SAP30BP: variants seen among roughly 807,000 people sequenced by gnomAD.
The protein encoded by SAP30BP is SAP30 binding protein.
A neutral mutation model predicts 46.3 loss-of-function variants in SAP30BP; 31 were observed. The ratio of observed to expected loss-of-function variants is 0.67; its 90% CI spans 0.50 to 0.90. The LOEUF is 0.90. SAP30BP is among the 40% of genes least tolerant of loss of function. The pLI is 0.00. For synonymous variants in SAP30BP, 169 were observed against 144.2 expected (o/e 1.17, Z -1.23); for missense variants, 312 against 391.0 (o/e 0.80, Z 1.70).
Position 75,674,702 on chromosome 17 carries a change from T to G in SAP30BP, c.264+2839T>G, listed in dbSNP as rs1381362307. On this transcript the variant is annotated intron_variant, in intron 3 of 10. Transcript: ENST00000584667. ...AGTTTTTTTGTTTGTTTTTTGTTTT[T>G]TTTTTTTTTTTTTTTTTTTTTTTGA... is the stretch of plus-strand genomic sequence containing the variant. Among the ~76,000 whole-genome samples the G allele has an allele frequency of 7.7e-5, 4 of 51,982 alleles. 1 individual carries two copies. The highest frequency in any genetic ancestry group is 4.2e-4 in the Admixed American group (2 of 4,750). 34.1% of individuals were successfully genotyped at this position (51,982 alleles called of 152,430 possible).
chr17:75,703,566 T>C (rs2060447823), intron 7 of SAP30BP, 195 bp downstream of exon 7: 1 of 639,112 alleles, frequency 1.6e-6, no homozygotes, highest in East Asian at 2.7e-5. Flanking sequence ...GCCGGCCTGG[T>C]GCCTGGCCCC....
At chr17:75,668,286 T>C in intron 1 of SAP30BP, 1 of 480,886 alleles carries the variant, frequency 2.1e-6, no homozygotes, top group Non-Finnish European at 3.6e-6. Flanking sequence ...AGAAACAGAA[T>C]TTAGTACTCG....
In SAP30BP at chr17:75,678,463, A is replaced by AACACACACACAC. The variant is rs59943167; in HGVS notation, c.264+6620_264+6631dup. Reference sequence around the variant, plus strand: ...CACGTTCAACACAGACACAATTTAAAACACACACACACACACACACACACA... The same window carrying AACACACACACAC: ...CACGTTCAACACAGACACAATTTAAAACACACACACACACACACACACACACACACACACACA... On this transcript the variant is annotated intron_variant, in intron 3 of 10. Transcript: ENST00000584667. Among the ~76,000 whole-genome samples, 9 of 147,648 alleles carry AACACACACACAC rather than the reference A, an allele frequency of 6.1e-5. No individual in the cohort carries two copies. The East Asian group carries it at 1.4e-3, about 23-fold the overall frequency.
chr17:75,686,344 C>G (rs186714300), intron 3 of SAP30BP, among the ~76,000 whole-genome samples: 1 of 151,900 alleles, frequency 6.6e-6, no homozygotes. Context: ...GGTGAAACCC[C>G]GTCTCTACTA....
intron 3 of SAP30BP, among the ~76,000 whole-genome samples, chr17:75,683,066 A>G (rs1321185886): frequency 7.3e-6 from 1 of 137,650 alleles, no homozygotes; most frequent in East Asian, 2.3e-4. Context: ...TTTTTTTGAG[A>G]CAGAGTCTCA....
rs369895080 is a variant in SAP30BP, at chr17:75,687,165, C to T, written c.265-6275C>T. ...CTTAGCATAATACCTAAACTTATTC[C>T]CCTAGATTGAGTTTTCATATTTTAT... is the stretch of plus-strand genomic sequence containing the variant. On this transcript the variant is annotated intron_variant, in intron 3 of 10. Transcript: ENST00000584667. Among the ~76,000 whole-genome samples, 16 of 152,244 alleles carry T rather than the reference C, an allele frequency of 1.1e-4. No homozygotes were observed. In the East Asian group the frequency reaches 1.7e-3, roughly 17 times the overall value.
rs753274443 is a variant in SAP30BP at position 75,668,529 on chromosome 17, A to T, written c.120A>T (p.Gly40=). ...AVGSAAEEKG[G]LVSDAYGEDD... ...TTAACCTTTCAGAGGAGAAAGGCGG[A>T]TTGGTATCTGATGCCTATGGGGAGG... The change falls in exon 2 of 11, where the codon GGA becomes GGT. Residue 40 remains glycine, a synonymous_variant. Transcript: ENST00000584667. The T allele has an allele frequency of 6.4e-7, 1 of 1,565,480 alleles. No individual in the cohort carries two copies. Among genetic ancestry groups the T allele is most frequent in the South Asian group, 1.2e-5 (1 of 83,186 alleles).
chr17:75,672,780 A>G (rs1001640605), intron 3 of SAP30BP, among the ~76,000 whole-genome samples: 1 of 152,054 alleles, frequency 6.6e-6, no homozygotes, highest in Non-Finnish European at 1.5e-5. Flanking sequence ...AGTATGGTGA[A>G]ACCCCGTCTC....
At chr17:75,688,424 T>G (rs1167774243) in intron 3 of SAP30BP, among the ~76,000 whole-genome samples, 1 of 152,116 alleles carries the variant, frequency 6.6e-6, no homozygotes, top group Non-Finnish European at 1.5e-5. Context: ...AAACCCCCAG[T>G]CTGTAGCATT....
intron 3 of SAP30BP, among the ~76,000 whole-genome samples, chr17:75,678,983 T>C (rs1430768940): frequency 1.3e-5 from 2 of 151,264 alleles, no homozygotes; most frequent in East Asian, 3.9e-4. Flanking sequence ...TAGAGGTTTT[T>C]CAGGCAAGTT....
intron 3 of SAP30BP, chr17:75,683,718 A>C (rs1484739687): frequency 1.3e-5 from 2 of 152,316 alleles, no homozygotes; most frequent in South Asian, 4.1e-4. Flanking sequence ...AAGGGAGAAG[A>C]GCTGGGTAGA....
chr17:75,676,591 G>T (rs1295295744), intron 3 of SAP30BP, among the ~76,000 whole-genome samples: 1 of 152,170 alleles, frequency 6.6e-6, no homozygotes, highest in African/African-American at 2.4e-5. Flanking sequence ...TAACTAGTTT[G>T]TCATTATTTC....
chr17:75,693,551 C>T (rs933185892), intron 4 of SAP30BP, 69 bp downstream of exon 4: 15 of 1,440,628 alleles, frequency 1.0e-5, no homozygotes, highest in Non-Finnish European at 1.3e-5. Flanking sequence ...TCCAGCCATG[C>T]CAGGCCTGCC....
At chr17:75,686,300 G>C (rs977347169) in intron 3 of SAP30BP, among the ~76,000 whole-genome samples, 10 of 152,024 alleles carry the variant, frequency 6.6e-5, no homozygotes, top group Non-Finnish European at 1.5e-4. Flanking sequence ...GGCAGATCAC[G>C]AGGTCAGGAG....
At chr17:75,679,729 T>G (rs1170389872) in intron 3 of SAP30BP, 1 of 152,182 alleles carries the variant, frequency 6.6e-6, no homozygotes, top group African/African-American at 2.4e-5. Flanking sequence ...CATTATTTTT[T>G]CGTCTCTAAC....
intron 2 of SAP30BP, 85 bp from the exon 3 acceptor site, chr17:75,671,731 T>C: frequency 9.9e-7 from 1 of 1,010,558 alleles, no homozygotes; most frequent in South Asian, 1.3e-5. Context: ...GTAAATGGGC[T>C]GTTTGCTCCG....
intron 3 of SAP30BP, among the ~76,000 whole-genome samples, chr17:75,686,251 C>T (rs991376873): frequency 6.6e-6 from 1 of 152,072 alleles, no homozygotes; most frequent in African/African-American, 2.4e-5. Flanking sequence ...GGCGCAGTGG[C>T]TCACGCCTGT....
intron 2 of SAP30BP, among the ~76,000 whole-genome samples, chr17:75,670,443 A>G (rs2059891775): frequency 6.6e-6 from 1 of 152,238 alleles, no homozygotes. Context: ...GTTGACTGAA[A>G]TTATTCAGAA....
chr17:75,699,671 T>C, intron 4 of SAP30BP, 112 bp from the exon 5 acceptor site: 1 of 712,532 alleles, frequency 1.4e-6, no homozygotes, highest in Non-Finnish European at 2.5e-6. Flanking sequence ...TTGTACTGTT[T>C]TCATAGTGTT....
Sources: allele counts gnomAD v4.1 joint callset (sites outside exome capture counted in the v4.1 genomes callset), GRCh38; gene constraint gnomAD v4.1.1; transcripts MANE v1.5; gene names NCBI Gene and HGNC (gene_info 2026-07-23, HGNC 2026-07-21).